The following LRRTM4 variants were observed in gnomAD, a reference collection of about 807,000 sequenced individuals.
LRRTM4 encodes leucine-rich repeat transmembrane neuronal protein 4.
Under a neutral mutation model 47.6 loss-of-function variants are expected in LRRTM4, and 25 were observed. The ratio of observed to expected loss-of-function variants is 0.53; its 90% CI spans 0.38 to 0.73. LRRTM4 has a LOEUF of 0.73. Among genes scored for constraint, LRRTM4 ranks in the 30% least tolerant of loss-of-function variants. LRRTM4 has a pLI of 0.00. For synonymous variants in LRRTM4, 311 were observed against 269.5 expected (o/e 1.15, Z -1.51); for missense variants, 638 against 713.4 (o/e 0.89, Z 1.20).
intron 3 of LRRTM4, among the ~76,000 whole-genome samples, chr2:77,419,643 A>C (rs1674791467): frequency 6.6e-6 from 1 of 152,132 alleles, no homozygotes; most frequent in Non-Finnish European, 1.5e-5. Flanking sequence ...ATGGATGTAA[A>C]AAAATCATAG....
intron 3 of LRRTM4, among the ~76,000 whole-genome samples, chr2:77,172,367 T>TGG (rs1673072256): frequency 6.6e-6 from 1 of 151,910 alleles, no homozygotes; most frequent in Non-Finnish European, 1.5e-5. Flanking sequence ...GAGGCCGAGG[T>TGG]GGGTAGATCA....
At chr2:77,111,573 T>C (rs1231683135) in intron 3 of LRRTM4, among the ~76,000 whole-genome samples, 1 of 152,160 alleles carries the variant, frequency 6.6e-6, no homozygotes, top group East Asian at 1.9e-4. Context: ...TGACAAAGTC[T>C]CTCTCACTCC....
chr2:77,396,776 G>A (rs980469397), intron 3 of LRRTM4, among the ~76,000 whole-genome samples: 2 of 151,894 alleles, frequency 1.3e-5, no homozygotes, highest in African/African-American at 4.8e-5. Flanking sequence ...ACAGACAGCA[G>A]TAAAGTGATT....
rs557307001 is a variant in LRRTM4, at chr2:76,966,696, C to T, written c.1552-217780G>A. On this transcript the variant is annotated intron_variant, in intron 3 of 3. Coordinates refer to ENST00000409884, the MANE Select transcript of LRRTM4 (RefSeq NM_001134745.3). ...AATCCTGTTTAATCAAATTGGCTGT[C>T]CCAAAAATACTAGTGTCATGCTTTT... 4.6e-5 allele frequency among the ~76,000 whole-genome samples: 7 copies of T among 151,494 alleles called. No individual in the cohort carries two copies. The South Asian group carries it at 6.2e-4, about 13-fold the overall frequency.
At chr2:77,331,336 A>G (rs933499727) in intron 3 of LRRTM4, among the ~76,000 whole-genome samples, 1 of 152,190 alleles carries the variant, frequency 6.6e-6, no homozygotes, top group Admixed American at 6.5e-5. Flanking sequence ...TATCAATCCA[A>G]GGGATGCCAT....
chr2:77,383,982 T>C, intron 3 of LRRTM4, among the ~76,000 whole-genome samples: 1 of 152,148 alleles, frequency 6.6e-6, no homozygotes, highest in East Asian at 1.9e-4. Context: ...CAGAGCTGGA[T>C]ATAAATGCAT....
At chr2:77,296,408 G>C (rs571170368) in intron 3 of LRRTM4, among the ~76,000 whole-genome samples, 1 of 152,036 alleles carries the variant, frequency 6.6e-6, no homozygotes, top group East Asian at 1.9e-4. Flanking sequence ...TTCAGTAACA[G>C]TATCATTACC....
chr2:76,805,923 T>G (rs1675941627), intron 3 of LRRTM4, among the ~76,000 whole-genome samples: 1 of 152,156 alleles, frequency 6.6e-6, no homozygotes, highest in African/African-American at 2.4e-5. Context: ...AATCTTTCTC[T>G]ATCTCTGTTA....
chr2:77,014,503 C>CATATATATATATATGTATATAT (rs773267853), intron 3 of LRRTM4, among the ~76,000 whole-genome samples: 45 of 139,058 alleles, frequency 3.2e-4, no homozygotes, highest in African/African-American at 1.1e-3. Flanking sequence ...TGTGCCCTTT[C>CATATATATATATATGTATATAT]ATATATATAT....
chr2:76,935,215 C>T (rs1674902911), intron 3 of LRRTM4, among the ~76,000 whole-genome samples: 1 of 152,024 alleles, frequency 6.6e-6, no homozygotes, highest in Admixed American at 6.6e-5. Context: ...TCTTTCAGGC[C>T]AAATTGTATA....
chr2:76,907,516 GA>G (rs1370171623), intron 3 of LRRTM4, among the ~76,000 whole-genome samples: 1 of 146,382 alleles, frequency 6.8e-6, no homozygotes, highest in Non-Finnish European at 1.5e-5. Context: ...AGGAAATAGA[GA>G]CACAAAAAAC....
At chr2:77,504,755 T>C (rs1678704356) in intron 3 of LRRTM4, among the ~76,000 whole-genome samples, 1 of 149,000 alleles carries the variant, frequency 6.7e-6, no homozygotes, top group Admixed American at 6.8e-5. Context: ...TCTATAGTAA[T>C]TGAATGAACA....
chr2:77,130,857 C>T (rs1260992050), intron 3 of LRRTM4, among the ~76,000 whole-genome samples: 12 of 26,062 alleles, frequency 4.6e-4, no homozygotes, highest in Non-Finnish European at 6.1e-4. Flanking sequence ...TTTTTTGAGA[C>T]GGAGTCTCGC....
chr2:76,861,318 T>G (rs1157868108), intron 3 of LRRTM4, among the ~76,000 whole-genome samples: 1 of 152,154 alleles, frequency 6.6e-6, no homozygotes, highest in African/African-American at 2.4e-5. Context: ...GACTGCATTA[T>G]TTTTAGTTTT....
chr2:77,044,149 A>T (rs1433248264), intron 3 of LRRTM4, among the ~76,000 whole-genome samples: 1 of 151,838 alleles, frequency 6.6e-6, no homozygotes, highest in East Asian at 1.9e-4. Context: ...TTGGTATTAG[A>T]ATATGTTACA....
rs199695699 is a variant in LRRTM4 at position 77,018,203 on chromosome 2, GT to G, written c.1552-269288del. ...GGTCCCCCAAAGAAAAATTTTTTTT[GT>G]TTTTTTTTTCAAAAGTACATTTCAC... On this transcript the variant is annotated intron_variant, in intron 3 of 3. Coordinates refer to ENST00000409884, the MANE Select transcript of LRRTM4 (RefSeq NM_001134745.3). Among the ~76,000 whole-genome samples the G allele has an allele frequency of 3.4e-3, 228 of 67,762 alleles. 1 individual carries two copies. In the East Asian group the frequency reaches 0.046, roughly 14 times the overall value. The allele number at this position is 67,762 out of a possible 152,430, so 44.5% of individuals were successfully genotyped here.
chr2:77,195,607 C>T (rs13411599), intron 3 of LRRTM4, among the ~76,000 whole-genome samples: 17,382 of 152,002 alleles, frequency 0.11, 2,631 homozygotes, highest in African/African-American at 0.35. Context: ...TTTAAGCTAA[C>T]ATGATAAAGA....
At chr2:76,800,436 T>C (rs1404907934) in intron 3 of LRRTM4, among the ~76,000 whole-genome samples, 1 of 130,918 alleles carries the variant, frequency 7.6e-6, no homozygotes, top group African/African-American at 3.1e-5. Context: ...TCCTTACACC[T>C]TATACAAAAA....
At chr2:77,088,275 G>C (rs182204208) in intron 3 of LRRTM4, among the ~76,000 whole-genome samples, 1 of 152,154 alleles carries the variant, frequency 6.6e-6, no homozygotes, top group South Asian at 2.1e-4. Flanking sequence ...TGACTTGCAC[G>C]TATACGCCCA....
Sources: allele counts gnomAD v4.1 joint callset (sites outside exome capture counted in the v4.1 genomes callset), GRCh38; gene constraint gnomAD v4.1.1; transcripts MANE v1.5; gene names NCBI Gene and HGNC (gene_info 2026-07-23, HGNC 2026-07-21).